Variants in MICU2 observed in about 807,000 individuals in gnomAD.
MICU2 encodes mitochondrial calcium uptake 2.
Under a neutral mutation model 60.4 loss-of-function variants are expected in MICU2, and 64 were observed. The ratio of observed to expected loss-of-function variants is 1.06; its 90% CI spans 0.87 to 1.31. MICU2 has a LOEUF of 1.31. Ranked by LOEUF, MICU2 falls within the 50% of genes most tolerant of loss-of-function variation. The pLI is 0.00. For missense variants in MICU2, 569 were observed against 531.0 expected, an observed-to-expected ratio of 1.07 and a Z score of -0.70; for synonymous variants, 201 against 175.0, an observed-to-expected ratio of 1.15 and a Z score of -1.17.
chr13:21,527,692 C>T (rs577484179), intron 4 of MICU2, among the ~76,000 whole-genome samples: 1 of 152,314 alleles, frequency 6.6e-6, no homozygotes, highest in South Asian at 2.1e-4. Flanking sequence ...TGATTCAAAA[C>T]TGCATTAGGA....
intron 4 of MICU2, among the ~76,000 whole-genome samples, chr13:21,529,819 A>G (rs565574031): frequency 7.9e-5 from 12 of 152,326 alleles, no homozygotes; most frequent in African/African-American, 2.6e-4. Context: ...CTATATATTC[A>G]GCCTGTGAAG....
At chr13:21,496,443 A>G in intron 9 of MICU2, 2 of 344,786 alleles carry the variant, frequency 5.8e-6, no homozygotes, top group Non-Finnish European at 1.1e-5. Context: ...GTGAGAAATA[A>G]ATTTATTGTT....
chr13:21,551,665 C>T lies in MICU2; in HGVS notation c.359-11977G>A, dbSNP rs528095665. On this transcript the variant is annotated intron_variant, in intron 2 of 11. Transcript: ENST00000382374. ...ACGTGTTCTCACTGTTCAATTCCCA[C>T]CTATGAGTGAGAACATGCAGTGTTT... Among the ~76,000 whole-genome samples, 315 of 147,470 alleles carry T rather than the reference C, an allele frequency of 2.1e-3. 1 individual carries two copies. The highest frequency in any genetic ancestry group is 7.6e-3 in the African/African-American group (305 of 39,870).
At position 21,522,633 on chromosome 13, in the gene MICU2, C is replaced by G; in HGVS notation, c.484G>C (p.Glu162Gln). ...AGGATTGTAAGCAAGAAAAGATACT[C>G]GGTATATGAAATTAGCCCTGAAAGA... ...LGDKGLISYTEYLFLLTILTK... is the reference protein window; with the variant it reads ...LGDKGLISYTQYLFLLTILTK... The change falls in exon 5 of 12, where the codon GAG becomes CAG. Residue 162 changes from glutamate to glutamine, a missense_variant. Physicochemically the swap from Glu to Gln is conservative, Grantham distance 29. Transcript: ENST00000382374. 1 of 1,604,132 alleles carries G rather than the reference C, an allele frequency of 6.2e-7. No individual in the cohort carries two copies. The highest frequency in any genetic ancestry group is 1.1e-5 in the South Asian group (1 of 89,078).
chr13:21,589,326 GTCATACCAT>G (rs1309766712), intron 1 of MICU2, among the ~76,000 whole-genome samples: 1 of 152,296 alleles, frequency 6.6e-6, no homozygotes, highest in East Asian at 1.9e-4. Context: ...CAGGTGCTGT[GTCATACCAT>G]ACATCCGTAG....
At chr13:21,584,692 G>A (rs1209384896) in intron 1 of MICU2, among the ~76,000 whole-genome samples, 1 of 151,976 alleles carries the variant, frequency 6.6e-6, no homozygotes, top group Non-Finnish European at 1.5e-5. Context: ...CTTATACTCT[G>A]AAAACATTTA....
chr13:21,539,874 CAA>C (rs1887239073), intron 2 of MICU2, among the ~76,000 whole-genome samples, 186 bp from the exon 3 acceptor site: 3 of 152,166 alleles, frequency 2.0e-5, no homozygotes, highest in Admixed American at 6.5e-5. Context: ...AGACTAAACA[CAA>C]AGACACTACA....
At chr13:21,507,029 TAA>T (rs1205611138) in intron 8 of MICU2, among the ~76,000 whole-genome samples, 3 of 152,240 alleles carry the variant, frequency 2.0e-5, no homozygotes, top group African/African-American at 7.2e-5. Context: ...TAGCAAAATT[TAA>T]GAGATTATCT....
Position 21,493,166 on chromosome 13 carries a change from A to C in MICU2, c.*83T>G, listed in dbSNP as rs1283800229. ...CACACAGAATATCAATGAAGACTTAAGAAGATAAATAGCAAGTACTTCTAA... is the reference window on the plus strand; with the variant it reads ...CACACAGAATATCAATGAAGACTTACGAAGATAAATAGCAAGTACTTCTAA... On this transcript the variant is annotated 3_prime_UTR_variant, in exon 12 of 12. Transcript: ENST00000382374. The C allele has an allele frequency of 1.3e-6, 1 of 778,900 alleles. No homozygotes were observed. The highest frequency in any genetic ancestry group is 2.0e-6 in the Non-Finnish European group (1 of 505,110). The allele number at this position is 778,900 out of a possible 1,614,324, so 48.2% of individuals were successfully genotyped here. A position where few individuals can be genotyped will look rare whatever the true frequency, so the allele number is the denominator to read the frequency against.
At chr13:21,585,299 T>C (rs1888433335) in intron 1 of MICU2, among the ~76,000 whole-genome samples, 1 of 152,246 alleles carries the variant, frequency 6.6e-6, no homozygotes, top group African/African-American at 2.4e-5. Context: ...GGCAGTAAAG[T>C]ATAAAAACTT....
intron 4 of MICU2, among the ~76,000 whole-genome samples, chr13:21,523,475 T>C (rs1414229026): frequency 1.3e-5 from 2 of 152,280 alleles, no homozygotes; most frequent in African/African-American, 4.8e-5. Flanking sequence ...TGGGATATAC[T>C]GAGAGTCAAA....
intron 4 of MICU2, among the ~76,000 whole-genome samples, chr13:21,538,697 G>C (rs1268269877): frequency 6.6e-6 from 1 of 152,054 alleles, no homozygotes; most frequent in Non-Finnish European, 1.5e-5. Context: ...TGAACTAAAT[G>C]GGAGGATGTT....
chr13:21,519,364 G>A lies in MICU2; in HGVS notation c.597+1881C>T, dbSNP rs564487945. ...TGAGCTACCGTGCCCACCCTCGAGA[G>A]TTCACTGCTTTTAAACACTCCCTCT... On this transcript the variant is annotated intron_variant, in intron 6 of 11. Coordinates refer to ENST00000382374, the MANE Select transcript of MICU2 (RefSeq NM_152726.3). Among the ~76,000 whole-genome samples the A allele has an allele frequency of 7.0e-4, 107 of 152,150 alleles. 1 individual carries two copies. The Middle Eastern group carries it at 0.027, about 39-fold the overall frequency.
chr13:21,572,046 C>T (rs910047879), intron 1 of MICU2, among the ~76,000 whole-genome samples: 11 of 151,978 alleles, frequency 7.2e-5, no homozygotes, highest in East Asian at 1.9e-4. Flanking sequence ...CTTAATCTAC[C>T]TATCTAATAA....
intron 2 of MICU2, among the ~76,000 whole-genome samples, chr13:21,541,001 TC>T (rs1376129090): frequency 2.0e-5 from 3 of 152,154 alleles, no homozygotes; most frequent in Non-Finnish European, 4.4e-5. Flanking sequence ...CCACAAATAG[TC>T]ATTACCATGT....
intron 5 of MICU2, among the ~76,000 whole-genome samples, chr13:21,522,038 C>T (rs1886731254): frequency 6.6e-6 from 1 of 152,230 alleles, no homozygotes; most frequent in Non-Finnish European, 1.5e-5. Context: ...GGTGAGCCCC[C>T]ACACCTGGTC....
intron 1 of MICU2, among the ~76,000 whole-genome samples, chr13:21,574,710 CCT>C (rs536590025): frequency 1.7e-4 from 26 of 152,192 alleles, no homozygotes; most frequent in Non-Finnish European, 3.7e-4. Flanking sequence ...TATAGTGAGA[CCT>C]ATTCATTTGG....
At chr13:21,494,872 T>G (rs1593310513) in intron 11 of MICU2, among the ~76,000 whole-genome samples, 1 of 151,830 alleles carries the variant, frequency 6.6e-6, no homozygotes, top group East Asian at 1.9e-4. Flanking sequence ...AAAAAATTAT[T>G]TTTTTTTGGA....
chr13:21,526,113 CTTTTTT>C (rs34999871), intron 4 of MICU2, among the ~76,000 whole-genome samples: 17 of 110,588 alleles, frequency 1.5e-4, no homozygotes, highest in Middle Eastern at 5.2e-3. Flanking sequence ...AATTAAAATA[CTTTTTT>C]TTTTTTTTTT....
Sources: gnomAD v4.1 joint callset for allele counts (sites outside exome capture counted in the v4.1 genomes callset) on GRCh38, gnomAD v4.1.1 for gene constraint, MANE v1.5 for transcripts, NCBI Gene and HGNC (gene_info 2026-07-23, HGNC 2026-07-21) for gene names.